The following BTG4 variants were observed in gnomAD, a reference collection of about 807,000 sequenced individuals.
BTG4 encodes the protein protein BTG4.
A neutral mutation model predicts 19.3 loss-of-function variants in BTG4; 10 were observed. The observed-to-expected ratio is 0.52, with a 90% CI of 0.32 to 0.88. The LOEUF is 0.88. Ranked by LOEUF, BTG4 falls within the 40% of genes least tolerant of loss-of-function variation. The pLI is 0.04. For synonymous variants in BTG4, 91 were observed against 95.7 expected, an observed-to-expected ratio of 0.95 and a Z score of 0.29; for missense variants, 238 against 281.9, an observed-to-expected ratio of 0.84 and a Z score of 1.11.
At chr11:111,470,302 T>G (rs1863985917) in intron 5 of BTG4, among the ~76,000 whole-genome samples, 1 of 152,144 alleles carries the variant, frequency 6.6e-6, no homozygotes, top group South Asian at 2.1e-4. Flanking sequence ...CAGGCTGGTC[T>G]TGAATGCTTG....
chr11:111,422,156 G>A, the BTG4 span, among the ~76,000 whole-genome samples: 2 of 152,236 alleles, frequency 1.3e-5, no homozygotes, highest in East Asian at 1.9e-4. Flanking sequence ...AAAACAAAAG[G>A]ATGCAGGGGA....
At chr11:111,503,983 A>G (rs999928548) in intron 1 of BTG4, among the ~76,000 whole-genome samples, 1 of 152,168 alleles carries the variant, frequency 6.6e-6, no homozygotes, top group Non-Finnish European at 1.5e-5. Context: ...TAATTTTAAA[A>G]TATCATCTGA....
downstream of BTG4, among the ~76,000 whole-genome samples, chr11:111,464,271 T>A (rs1359390462): frequency 6.6e-6 from 1 of 152,214 alleles, no homozygotes; most frequent in African/African-American, 2.4e-5. Context: ...AATGCTGGCA[T>A]TACAGGCATG....
chr11:111,488,308 T>C (rs769569776), intron 5 of BTG4, among the ~76,000 whole-genome samples: 16 of 152,188 alleles, frequency 1.1e-4, no homozygotes, highest in South Asian at 2.1e-4. Flanking sequence ...CATGCATTTA[T>C]AGTCAACTCA....
rs547058234 is a variant in BTG4 at position 111,486,940 on chromosome 11, T to C, written c.662+8223A>G. On this transcript the variant is annotated intron_variant, in intron 5 of 5. Transcript: ENST00000356018. ...CATTACCTAGGTATTAAGCCCCCCATGCATTAGCATTTTATCCTGATGCTC... is the reference window on the plus strand; with the variant it reads ...CATTACCTAGGTATTAAGCCCCCCACGCATTAGCATTTTATCCTGATGCTC... 6.6e-5 allele frequency among the ~76,000 whole-genome samples: 10 copies of C among 152,166 alleles called. No homozygotes were observed. In the South Asian group the frequency reaches 1.5e-3, roughly 22 times the overall value.
intron 5 of BTG4, among the ~76,000 whole-genome samples, chr11:111,489,362 A>C (rs952011298): frequency 1.3e-5 from 2 of 152,214 alleles, no homozygotes; most frequent in African/African-American, 4.8e-5. Context: ...GCCACTATGG[A>C]GAACAGTATG....
intron 1 of BTG4, among the ~76,000 whole-genome samples, chr11:111,504,585 T>G (rs1179198966): frequency 1.3e-5 from 2 of 151,982 alleles, no homozygotes; most frequent in Non-Finnish European, 2.9e-5. Flanking sequence ...CCAAGATAAC[T>G]CCTATTCAAC....
chr11:111,412,385 G>A, the BTG4 span, among the ~76,000 whole-genome samples: 6,013 of 151,760 alleles, frequency 0.04, 128 homozygotes, highest in Middle Eastern at 0.14. Flanking sequence ...TTTGTCCTAA[G>A]TTTCTTTCTT....
the BTG4 span, among the ~76,000 whole-genome samples, chr11:111,435,351 ACACCACCGC>A: frequency 2.6e-5 from 4 of 152,052 alleles, no homozygotes; most frequent in Non-Finnish European, 5.9e-5. Flanking sequence ...GTAAGTGGGG[ACACCACCGC>A]CACCACCGCC....
chr11:111,460,147 A>G, the BTG4 span: 7 of 152,560 alleles, frequency 4.6e-5, no homozygotes, highest in African/African-American at 1.7e-4. Context: ...TTTGCCAGAA[A>G]AAGGACCTGC....
At chr11:111,411,399 T>C in the BTG4 span, among the ~76,000 whole-genome samples, 13 of 152,282 alleles carry the variant, frequency 8.5e-5, no homozygotes, top group African/African-American at 3.1e-4. Flanking sequence ...TGGGAAAAGA[T>C]TTACCTGGCA....
chr11:111,470,058 T>C (rs1228158151), intron 5 of BTG4: 1 of 152,610 alleles, frequency 6.6e-6, no homozygotes, highest in African/African-American at 2.4e-5. Context: ...TGCCTCAGTG[T>C]ATTCAGATAT....
downstream of BTG4, chr11:111,464,541 C>G (rs1398648902): frequency 6.6e-6 from 1 of 152,202 alleles, no homozygotes; most frequent in Non-Finnish European, 1.5e-5. Flanking sequence ...TATTTTATTC[C>G]CCTCTGTTCG....
chr11:111,402,441 A>T, the BTG4 span, among the ~76,000 whole-genome samples: 6 of 152,254 alleles, frequency 3.9e-5, no homozygotes, highest in Non-Finnish European at 8.8e-5. Flanking sequence ...TAATGCACAC[A>T]CACATACAGT....
At chr11:111,512,613 C>T (rs1867032411), upstream of BTG4, among the ~76,000 whole-genome samples, 1 of 152,072 alleles carries the variant, frequency 6.6e-6, no homozygotes, top group Non-Finnish European at 1.5e-5. Context: ...AAAGGAAAAG[C>T]GAGGGGAACC....
the BTG4 span, chr11:111,385,499 C>A: frequency 3.3e-5 from 5 of 151,810 alleles, no homozygotes; most frequent in African/African-American, 7.3e-5. Flanking sequence ...TTGTGAACAT[C>A]GATTCAAAAA....
intron 5 of BTG4, among the ~76,000 whole-genome samples, chr11:111,477,033 A>G (rs1864435691): frequency 6.6e-6 from 1 of 152,180 alleles, no homozygotes; most frequent in Non-Finnish European, 1.5e-5. Flanking sequence ...GGTGGCAAAG[A>G]AAAAGTAGTA....
chr11:111,467,198 A>AT (rs1863770777), downstream of BTG4, among the ~76,000 whole-genome samples: 1 of 152,188 alleles, frequency 6.6e-6, no homozygotes, highest in Non-Finnish European at 1.5e-5. Context: ...AGATACTATT[A>AT]TTTTTCCTAT....
At chr11:111,444,203 G>A in the BTG4 span, among the ~76,000 whole-genome samples, 2 of 127,580 alleles carry the variant, frequency 1.6e-5, no homozygotes, top group African/African-American at 5.8e-5. Flanking sequence ...GTGTGTGTGT[G>A]TGTGTGTAGA....
Sources: allele counts gnomAD v4.1 joint callset (sites outside exome capture counted in the v4.1 genomes callset), GRCh38; gene constraint gnomAD v4.1.1; transcripts MANE v1.5; gene names NCBI Gene and HGNC (gene_info 2026-07-23, HGNC 2026-07-21).